LPIN3: variants seen among roughly 807,000 people sequenced by gnomAD.
LPIN3 encodes lipin 3, also known as phosphatidate phosphatase LPIN3.
In LPIN3, 82 loss-of-function variants were observed where a neutral mutation model predicts 94.7. The observed-to-expected ratio is 0.87, with a 90% CI of 0.72 to 1.04. The LOEUF is 1.04. Ranked by LOEUF, LPIN3 falls within the 50% of genes least tolerant of loss-of-function variation. The pLI is 0.00. For missense variants in LPIN3, 996 were observed against 1,090.5 expected (o/e 0.91, Z 1.22); for synonymous variants, 418 against 443.3 (o/e 0.94, Z 0.72).
intron 17 of LPIN3, 21 bp downstream of exon 17, chr20:41,358,055 A>C: frequency 6.3e-7 from 1 of 1,578,670 alleles, no homozygotes; most frequent in Non-Finnish European, 8.6e-7. Flanking sequence ...CTACACATAC[A>C]AGCCCGTGGC....
chr20:41,356,987 G>T (rs1751962933), intron 14 of LPIN3, 53 bp from the exon 15 acceptor site: 1 of 1,589,730 alleles, frequency 6.3e-7, no homozygotes, highest in Non-Finnish European at 8.6e-7. Flanking sequence ...GGGAGAGGTA[G>T]GCAGTGCCTG....
rs780033434 is a variant in LPIN3, at chr20:41,358,532, C to CA, written c.2402dup (p.His801GlnfsTer6). 7.4e-6 allele frequency: 12 copies of CA among 1,614,064 alleles called. No homozygotes were observed. The Admixed American group carries it at 2.0e-4, about 27-fold the overall frequency. On this transcript the variant is annotated frameshift_variant, in exon 19 of 20. Coordinates refer to ENST00000373257, the MANE Select transcript of LPIN3 (RefSeq NM_022896.3). LOFTEE classifies it low-confidence loss of function (END_TRUNC). ...GCTCATCCAGGAGCTCATAAAGAAC[C>CA]ACAAATCCACGTGAGGCTAAACCCT... is the stretch of plus-strand genomic sequence containing the variant.
rs375582564 is a variant in LPIN3, at chr20:41,350,087, G to A, written c.792G>A (p.Val264=). 183 of 1,608,032 alleles carry A rather than the reference G, an allele frequency of 1.1e-4. No homozygotes were observed. Among genetic ancestry groups the A allele is most frequent in the Non-Finnish European group, 1.4e-4 (167 of 1,177,174 alleles). The change falls in exon 7 of 20, where the codon GTG becomes GTA. Residue 264 remains valine (V), a synonymous_variant. Coordinates refer to ENST00000373257, the MANE Select transcript of LPIN3 (RefSeq NM_022896.3). The part of the protein sequence containing the change: ...VARAERPESS[V]VLEGRAGATS... ...GAGCTGAGCGGCCCGAGTCCTCAGT[G>A]GTCCTTGAAGGCAGAGCTGGGGCAA...
rs1175762802 is a variant in LPIN3 at position 41,354,817 on chromosome 20, C to T, written c.1621-3C>T. The T allele has an allele frequency of 6.2e-7, 1 of 1,603,918 alleles. No homozygotes were observed. The highest frequency in any genetic ancestry group is 8.5e-7 in the Non-Finnish European group (1 of 1,175,108). ...GATTCACTAATGGATGTTCTTTCCACAGCGCAGTGCCCAGAAGGAGAAGAC... is the reference window on the plus strand; with the variant it reads ...GATTCACTAATGGATGTTCTTTCCATAGCGCAGTGCCCAGAAGGAGAAGAC... On this transcript the variant is annotated splice_polypyrimidine_tract_variant and splice_region_variant and intron_variant, in intron 12 of 19. Transcript: ENST00000373257.
intron 8 of LPIN3, 46 bp from the exon 9 acceptor site, chr20:41,352,014 C>T (rs1363503699): frequency 1.2e-6 from 2 of 1,613,022 alleles, no homozygotes; most frequent in African/African-American, 2.7e-5. Flanking sequence ...GGACCCATCT[C>T]CCGCCCTCCT....
Position 41,349,764 on chromosome 20 carries a change from T to C in LPIN3, c.639-10T>C, listed in dbSNP as rs1277879661. The stretch of plus-strand genomic sequence containing the variant: ...GGCAGGCTCAAGGCCTCTCAATATG[T>C]CTCCTGCAGCCTCTCAGCAGGTGAG... On this transcript the variant is annotated splice_polypyrimidine_tract_variant and intron_variant, in intron 5 of 19. Coordinates refer to ENST00000373257, the MANE Select transcript of LPIN3 (RefSeq NM_022896.3). The C allele has an allele frequency of 1.9e-6, 3 of 1,609,536 alleles. No homozygotes were observed. The highest frequency in any genetic ancestry group is 1.7e-6 in the Non-Finnish European group (2 of 1,178,396).
At position 41,357,891 on chromosome 20, in the gene LPIN3, C is replaced by G. The variant is rs766350363; in HGVS notation, c.2049C>G (p.Tyr683Ter). The G allele has an allele frequency of 1.2e-6, 2 of 1,614,090 alleles. No individual in the cohort carries two copies. The highest frequency in any genetic ancestry group is 1.7e-6 in the Non-Finnish European group (2 of 1,179,992). The change falls in exon 17 of 20, where the codon TAC becomes TAG. Residue 683 changes from tyrosine (Y) to a stop codon, truncating the protein, a stop_gained. Transcript: ENST00000373257. LOFTEE classifies it high-confidence loss of function. ...TGTCCCCCACTCTCAGAAATGGGTA[C>G]AAGTTCCTGTACTGCTCGGCGCGGG... is the stretch of plus-strand genomic sequence containing the variant. ...SLYHKIQLNG[Y>*]KFLYCSARAI...
At chr20:41,351,276 A>G (rs2046001403) in intron 7 of LPIN3, among the ~76,000 whole-genome samples, 1 of 149,836 alleles carries the variant, frequency 6.7e-6, no homozygotes, top group African/African-American at 2.5e-5. Context: ...AATTAAATTA[A>G]TTGCAATTAA....
At chr20:41,355,729 C>T (rs1013619462) in intron 13 of LPIN3, among the ~76,000 whole-genome samples, 167 bp from the exon 14 acceptor site, 6 of 152,198 alleles carry the variant, frequency 3.9e-5, no homozygotes, top group African/African-American at 1.2e-4. Context: ...AGCCTGCACC[C>T]CTGTGTCTGC....
chr20:41,348,588 C>G (rs1365956287), intron 3 of LPIN3, 31 bp from the exon 4 acceptor site: 1 of 1,575,048 alleles, frequency 6.3e-7, no homozygotes, highest in East Asian at 2.2e-5. Flanking sequence ...TAGGGTCAGC[C>G]CCCGACCTCA....
intron 1 of LPIN3, among the ~76,000 whole-genome samples, chr20:41,343,752 G>A (rs891245113): frequency 1.3e-5 from 2 of 152,302 alleles, no homozygotes; most frequent in Admixed American, 6.5e-5. Flanking sequence ...GAATCACCTC[G>A]GGATCCTGTT....
At chr20:41,347,204 C>A (rs753649068) in intron 2 of LPIN3, among the ~76,000 whole-genome samples, 22 of 152,328 alleles carry the variant, frequency 1.4e-4, no homozygotes, top group African/African-American at 3.4e-4. Context: ...ACAAGAGAGA[C>A]CACGTCCCTA....
intron 13 of LPIN3, 37 bp downstream of exon 13, chr20:41,354,900 G>T (rs568098203): frequency 1.3e-6 from 2 of 1,544,896 alleles, no homozygotes; most frequent in South Asian, 2.4e-5. Flanking sequence ...TGCAGGGGGA[G>T]CCTGGGAAAG....
chr20:41,342,009 C>CT (rs374850801), intron 1 of LPIN3, among the ~76,000 whole-genome samples: 1 of 152,246 alleles, frequency 6.6e-6, no homozygotes, highest in African/African-American at 2.4e-5. Context: ...AGTCCAAACT[C>CT]TCAACTGCTG....
intron 1 of LPIN3, among the ~76,000 whole-genome samples, chr20:41,344,366 C>T (rs1465297238): frequency 2.6e-5 from 4 of 152,260 alleles, no homozygotes; most frequent in Non-Finnish European, 5.9e-5. Flanking sequence ...CTTCTATGGC[C>T]TGTCAGCTTA....
chr20:41,357,143 G>A lies in LPIN3; in HGVS notation c.1907G>A (p.Trp636Ter). The A allele has an allele frequency of 6.2e-7, 1 of 1,614,180 alleles. No individual in the cohort carries two copies. Among genetic ancestry groups the A allele is most frequent in the Non-Finnish European group, 8.5e-7 (1 of 1,180,018 alleles). The change falls in exon 15 of 20, where the codon TGG becomes TAG. Residue 636 changes from tryptophan to a stop codon, truncating the protein, a stop_gained. Transcript: ENST00000373257. LOFTEE classifies it high-confidence loss of function. The stretch of plus-strand genomic sequence containing the variant: ...AAGGCCACCATCTACCTGTGGAAAT[G>A]GGACGACAAGGTGGTCATCTCTGAC... ...RCKATIYLWKWDDKVVISDID... is the reference protein window; with the variant it reads ...RCKATIYLWK
Position 41,357,936 on chromosome 20 carries a change from CACCAAGGGGTACCTGCAGTGGGT to C in LPIN3, c.2095_2117del (p.Thr699GlufsTer6). 1.2e-6 allele frequency: 2 copies of C among 1,614,100 alleles called. No individual in the cohort carries two copies. Among genetic ancestry groups the C allele is most frequent in the Non-Finnish European group, 1.7e-6 (2 of 1,179,994 alleles). On this transcript the variant is annotated frameshift_variant, in exon 17 of 20. Transcript: ENST00000373257. LOFTEE classifies it high-confidence loss of function. Reference sequence around the variant, plus strand: ...CGCGGGCCATTGGCATGGCGGACCTCACCAAGGGGTACCTGCAGTGGGTGAGCGAGGGGGGCTGTAGCCTCCCC... The same window carrying C: ...CGCGGGCCATTGGCATGGCGGACCTCGAGCGAGGGGGGCTGTAGCCTCCCC...
At chr20:41,350,665 A>G (rs760186287) in intron 7 of LPIN3, among the ~76,000 whole-genome samples, 1 of 152,048 alleles carries the variant, frequency 6.6e-6, no homozygotes, top group African/African-American at 2.4e-5. Context: ...TGGAGCTAAG[A>G]CATGGATAAT....
chr20:41,344,738 G>C (rs915483635), intron 1 of LPIN3, among the ~76,000 whole-genome samples: 3 of 152,224 alleles, frequency 2.0e-5, no homozygotes, highest in Non-Finnish European at 4.4e-5. Flanking sequence ...CGGTCTGGCT[G>C]GGGGAGGGAG....
Sources: allele counts gnomAD v4.1 joint callset (sites outside exome capture counted in the v4.1 genomes callset), GRCh38; gene constraint gnomAD v4.1.1; transcripts MANE v1.5; gene names NCBI Gene and HGNC (gene_info 2026-07-23, HGNC 2026-07-21).